POLI: variants seen among roughly 807,000 people sequenced by gnomAD.
POLI encodes DNA polymerase iota, also known as RAD30 homolog B.
Under a neutral mutation model 51.6 loss-of-function variants are expected in POLI, and 58 were observed. The observed-to-expected ratio is 1.12, with a 90% CI of 0.91 to 1.40. The LOEUF is 1.40. POLI is among the 40% of genes most tolerant of loss of function. The pLI, the probability that POLI is intolerant of heterozygous loss-of-function variation, is 0.00. For missense variants in POLI, 921 were observed against 871.3 expected (o/e 1.06, Z -0.72); for synonymous variants, 322 against 299.7 (o/e 1.07, Z -0.77).
chr18:54,305,795 G>C (rs886475265), intron 3 of POLI, among the ~76,000 whole-genome samples: 1 of 151,738 alleles, frequency 6.6e-6, no homozygotes, highest in Non-Finnish European at 1.5e-5. Context: ...GTCTCGCTCT[G>C]TCACCCAGGC....
chr18:54,277,660 A>G (rs898285172), intron 3 of POLI, 43 bp from the exon 4 acceptor site: 1 of 1,328,290 alleles, frequency 7.5e-7, no homozygotes, highest in Non-Finnish European at 1.0e-6. Flanking sequence ...TATCCTAGTT[A>G]TAACTTCATT....
rs3730810 is a variant in POLI, at chr18:54,292,131, T to C, written c.1404+93T>C. The stretch of plus-strand genomic sequence containing the variant: ...AATCTAAGTGCTTGTCTTTTTGATA[T>C]AGTTTAGAGATTCTTTTGGGTGATA... On this transcript the variant is annotated intron_variant, in intron 9 of 9. Transcript: ENST00000579534. 6.9e-3 allele frequency: 5,295 copies of C among 764,992 alleles called. 147 individuals carry two copies. In the African/African-American group the frequency reaches 0.076, roughly 11 times the overall value. 47.4% of individuals were successfully genotyped at this position (764,992 alleles called of 1,614,324 possible).
At chr18:54,269,915 C>A in intron 1 of POLI, 1 of 1,217,996 alleles carries the variant, frequency 8.2e-7, no homozygotes, top group South Asian at 3.5e-5. Context: ...GCCGTCCTTT[C>A]CTCTGTGAGG....
intron 3 of POLI, among the ~76,000 whole-genome samples, chr18:54,304,038 T>G (rs2088538447): frequency 6.6e-6 from 1 of 152,112 alleles, no homozygotes; most frequent in African/African-American, 2.4e-5. Context: ...TGCGACAGTT[T>G]GCTGAGAATG....
chr18:54,290,236 C>A (rs1367205178), intron 8 of POLI, among the ~76,000 whole-genome samples: 1 of 152,212 alleles, frequency 6.6e-6, no homozygotes, highest in East Asian at 1.9e-4. Context: ...AAATGCTCAT[C>A]ATTGCTGGTC....
chr18:54,290,933 A>G (rs960506134), intron 8 of POLI, among the ~76,000 whole-genome samples: 2 of 152,222 alleles, frequency 1.3e-5, no homozygotes, highest in East Asian at 1.9e-4. Flanking sequence ...CTATGTAACA[A>G]ATCTGCACAT....
At chr18:54,269,495 T>A, upstream of POLI, 2 of 1,494,630 alleles carry the variant, frequency 1.3e-6, no homozygotes, top group Non-Finnish European at 1.8e-6. Flanking sequence ...CCGGTTTCCC[T>A]GGAGACCAGG....
In POLI at chr18:54,282,952, G is replaced by T; in HGVS notation, c.912G>T (p.Gln304His). 1 of 1,610,470 alleles carries T rather than the reference G, an allele frequency of 6.2e-7. No individual in the cohort carries two copies. Among genetic ancestry groups the T allele is most frequent in the Non-Finnish European group, 8.5e-7 (1 of 1,178,230 alleles). Residue 304 changes from glutamine to histidine, a missense_variant, in exon 6 of 10, where the codon CAG (glutamine) becomes CAT (histidine). Coordinates refer to ENST00000579534, the MANE Select transcript of POLI (RefSeq NM_007195.3). ...AAGAATTAGGAATTTCAGTTGCTCA[G>T]CGTATCCAAAAGCTCAGTTTTGGAG... is the stretch of plus-strand genomic sequence containing the variant. ...LEKELGISVA[Q>H]RIQKLSFGED...
chr18:54,292,012 A>C lies in POLI; in HGVS notation c.1378A>C (p.Thr460Pro). The change falls in exon 9 of 10, where the codon ACT becomes CCT. Residue 460 changes from threonine to proline, a missense_variant. Physicochemically the swap from Thr to Pro is conservative, Grantham distance 38. Transcript: ENST00000579534. ...DYYLMPSLSTTSRSGKHSFKM... is the reference protein window; with the variant it reads ...DYYLMPSLSTPSRSGKHSFKM... ...TTATTTAATGCCATCATTATCAACTACTTCACGCTCTGGCAAGCACAGTTT... is the reference window on the plus strand; with the variant it reads ...TTATTTAATGCCATCATTATCAACTCCTTCACGCTCTGGCAAGCACAGTTT... The C allele has an allele frequency of 6.2e-7, 1 of 1,606,852 alleles. No homozygotes were observed. Among genetic ancestry groups the C allele is most frequent in the Non-Finnish European group, 8.5e-7 (1 of 1,175,500 alleles).
chr18:54,276,509 C>T (rs925946854), intron 3 of POLI, among the ~76,000 whole-genome samples: 4 of 152,190 alleles, frequency 2.6e-5, no homozygotes, highest in African/African-American at 7.2e-5. Context: ...AAAGCCTTAT[C>T]CTTTATTTTT....
At position 54,296,214 on chromosome 18, in the gene POLI, A is replaced by G; in HGVS notation, c.*1747A>G. The stretch of plus-strand genomic sequence containing the variant: ...AATGATTTCAGGACCTTGGACAGCT[A>G]GAAGGGGCTTAAGAAAAAATGGCTA... On this transcript the variant is annotated 3_prime_UTR_variant, in exon 10 of 10. Coordinates refer to ENST00000579534, the MANE Select transcript of POLI (RefSeq NM_007195.3). 2 of 985,376 alleles carry G rather than the reference A, an allele frequency of 2.0e-6. No homozygotes were observed. The highest frequency in any genetic ancestry group is 2.4e-6 in the Non-Finnish European group (2 of 829,852). The allele number at this position is 985,376 out of a possible 1,614,324, so 61.0% of individuals were successfully genotyped here.
downstream of POLI, among the ~76,000 whole-genome samples, chr18:54,300,816 C>T (rs960802138): frequency 5.3e-5 from 8 of 152,166 alleles, no homozygotes; most frequent in Non-Finnish European, 1.0e-4. Flanking sequence ...TAGCTTTCAA[C>T]AGGAAAACTG....
In POLI at chr18:54,285,891, G is replaced by A. The variant is rs370087791; in HGVS notation, c.1068-1390G>A. Among the ~76,000 whole-genome samples the A allele has an allele frequency of 1.1e-3, 162 of 152,190 alleles. 4 individuals are homozygous for A. In the South Asian group the frequency reaches 0.03, roughly 28 times the overall value. ...ACTATTTAATTTTTTATGTTTTTGC[G>A]ATAGGGTCTTGCTCTGTCACCCAGG... On this transcript the variant is annotated intron_variant, in intron 7 of 9. Transcript: ENST00000579534.
At position 54,280,772 on chromosome 18, in the gene POLI, C is replaced by T. The variant is rs1476394018; in HGVS notation, c.665C>T (p.Ala222Val). The part of the protein sequence containing the change: ...MYNQLGLTGC[A>V]GVASNKLLAK... The stretch of plus-strand genomic sequence containing the variant: ...AATCAGTTGGGGCTCACTGGCTGTG[C>T]TGGAGTGGCTTCTAATAAACTGTTG... Residue 222 changes from alanine (A) to valine (V), a missense_variant, in exon 5 of 10, where the codon GCT becomes GTT. Ala to Val is a moderately conservative substitution (Grantham distance 64, BLOSUM62 0). Coordinates refer to ENST00000579534, the MANE Select transcript of POLI (RefSeq NM_007195.3). 14 of 1,613,502 alleles carry T rather than the reference C, an allele frequency of 8.7e-6. No individual in the cohort carries two copies. The highest frequency in any genetic ancestry group is 1.2e-5 in the Non-Finnish European group (14 of 1,179,524).
At position 54,296,154 on chromosome 18, in the gene POLI, T is replaced by A. The variant is rs2088315343; in HGVS notation, c.*1687T>A. The A allele has an allele frequency of 1.0e-6, 1 of 984,042 alleles. No individual in the cohort carries two copies. Among genetic ancestry groups the A allele is most frequent in the Non-Finnish European group, 1.2e-6 (1 of 828,802 alleles). 61.0% of individuals were successfully genotyped at this position (984,042 alleles called of 1,614,324 possible). ...AAACTTATGAAAAGGGTATATAACT[T>A]TTTGTAAATCATTAAAACATTTTAT... is the stretch of plus-strand genomic sequence containing the variant. On this transcript the variant is annotated 3_prime_UTR_variant, in exon 10 of 10. Coordinates refer to ENST00000579534, the MANE Select transcript of POLI (RefSeq NM_007195.3).
chr18:54,295,562 A>G lies in POLI; in HGVS notation c.*1095A>G. On this transcript the variant is annotated 3_prime_UTR_variant, in exon 10 of 10. Coordinates refer to ENST00000579534, the MANE Select transcript of POLI (RefSeq NM_007195.3). The stretch of plus-strand genomic sequence containing the variant: ...ATCTAAAGAAGAGACTTTAAAAATA[A>G]AGTACACAAATATGAACCAAAGAGT... 1.2e-6 allele frequency: 1 copy of G among 824,352 alleles called. No individual in the cohort carries two copies. Among genetic ancestry groups the G allele is most frequent in the Non-Finnish European group, 1.5e-6 (1 of 683,442 alleles). The allele number at this position is 824,352 out of a possible 1,614,324, so 51.1% of individuals were successfully genotyped here.
rs2086905981 is a variant in POLI at position 54,269,594 on chromosome 18, CG to C, written c.49del (p.Asp17ThrfsTer39). 4.7e-6 allele frequency: 7 copies of C among 1,502,202 alleles called. No homozygotes were observed. Among genetic ancestry groups the C allele is most frequent in the African/African-American group, 4.4e-5 (3 of 68,114 alleles). The allele number at this position is 1,502,202 out of a possible 1,614,324, so 93.1% of individuals were successfully genotyped here. A position where few individuals can be genotyped will look rare whatever the true frequency, so the allele number is the denominator to read the frequency against. Reference protein sequence around the residue: ...EPEEEGGGDDDEEDAEAWAME... With the variant: ...EPEEEGGGDDXEEDAEAWAME... ...CGGAGGAGGAAGGCGGCGGCGACGA[CG>C]ACGAGGAAGACGCCGAGGCCTGGGC... On this transcript the variant is annotated frameshift_variant, in exon 1 of 10. Transcript: ENST00000579534. LOFTEE classifies it high-confidence loss of function.
rs908170917 is a variant in POLI, at chr18:54,294,418, T to C, written c.2174T>C (p.Leu725Pro). 23 of 1,612,106 alleles carry C rather than the reference T, an allele frequency of 1.4e-5. No homozygotes were observed. The highest frequency in any genetic ancestry group is 3.3e-5 in the Admixed American group (2 of 59,740). ...ELPEAVQKEL[L>P]AEWKRAGSDF... The stretch of plus-strand genomic sequence containing the variant: ...CCAGAAGCAGTACAAAAGGAACTGC[T>C]GGCAGAGTGGAAGAGAGCAGGATCA... The change falls in exon 10 of 10, where the codon CTG becomes CCG. Residue 725 changes from leucine to proline, a missense_variant. Leu to Pro is a moderately conservative substitution (Grantham distance 98). Coordinates refer to ENST00000579534, the MANE Select transcript of POLI (RefSeq NM_007195.3).
chr18:54,286,141 G>T (rs1185622694), intron 7 of POLI, among the ~76,000 whole-genome samples: 2 of 152,192 alleles, frequency 1.3e-5, no homozygotes, highest in Non-Finnish European at 2.9e-5. Context: ...TGGGATTACA[G>T]GTACGAGGCA....
Sources: allele counts gnomAD v4.1 joint callset (sites outside exome capture counted in the v4.1 genomes callset), GRCh38; gene constraint gnomAD v4.1.1; transcripts MANE v1.5; gene names NCBI Gene and HGNC (gene_info 2026-07-23, HGNC 2026-07-21).